Variants in RNMT observed in about 807,000 individuals in gnomAD.
RNMT encodes the protein RNA guanine-7 methyltransferase.
In RNMT, 27 loss-of-function variants were observed where a neutral mutation model predicts 56.0. The ratio of observed to expected loss-of-function variants is 0.48; its 90% CI spans 0.36 to 0.67. The LOEUF is 0.67. Among genes scored for constraint, RNMT ranks in the 30% least tolerant of loss-of-function variants. The pLI is 0.00. For synonymous variants in RNMT, 184 were observed against 176.2 expected (o/e 1.04, Z -0.35); for missense variants, 519 against 552.1 (o/e 0.94, Z 0.60).
At chr18:13,734,240 C>T (rs142659922) in intron 3 of RNMT, among the ~76,000 whole-genome samples, 14 of 152,244 alleles carry the variant, frequency 9.2e-5, no homozygotes, top group East Asian at 7.7e-4. Context: ...ACCCAGTCTC[C>T]GGTACGTCTT....
Position 13,746,215 on chromosome 18 carries a change from G to A in RNMT, c.1140-5G>A. The A allele has an allele frequency of 2.1e-6, 3 of 1,404,388 alleles. No homozygotes were observed. Among genetic ancestry groups the A allele is most frequent in the Non-Finnish European group, 3.0e-6 (3 of 1,014,432 alleles). The allele number at this position is 1,404,388 out of a possible 1,614,324, so 87.0% of individuals were successfully genotyped here. On this transcript the variant is annotated splice_region_variant and splice_polypyrimidine_tract_variant and intron_variant, in intron 8 of 11. Transcript: ENST00000383314. The stretch of plus-strand genomic sequence containing the variant: ...CTTTTTCATTAAGTATTCTTTTTTG[G>A]ACAGAATGGCAAAGAAGTACAATAT...
intron 5 of RNMT, among the ~76,000 whole-genome samples, chr18:13,739,280 A>T (rs2044214872): frequency 6.6e-6 from 1 of 152,222 alleles, no homozygotes; most frequent in Non-Finnish European, 1.5e-5. Flanking sequence ...CAACATTTTA[A>T]AAAGTGTGTA....
intron 8 of RNMT, 156 bp downstream of exon 8, chr18:13,742,808 A>G: frequency 1.8e-6 from 1 of 554,060 alleles, no homozygotes; most frequent in Non-Finnish European, 3.0e-6. Context: ...AAAAAAAAAC[A>G]AAACAAGACT....
chr18:13,755,174 A>G (rs2044522424), intron 11 of RNMT, among the ~76,000 whole-genome samples: 1 of 152,240 alleles, frequency 6.6e-6, no homozygotes, highest in Non-Finnish European at 1.5e-5. Context: ...TCTACCTTCT[A>G]GAAGTCTACA....
chr18:13,751,235 T>C (rs1568511573), intron 9 of RNMT, among the ~76,000 whole-genome samples: 1 of 152,220 alleles, frequency 6.6e-6, no homozygotes, highest in Non-Finnish European at 1.5e-5. Flanking sequence ...GATAGAGGGC[T>C]AATATCCATA....
intron 9 of RNMT, among the ~76,000 whole-genome samples, chr18:13,747,553 C>A (rs978639461): frequency 1.3e-5 from 2 of 152,172 alleles, no homozygotes; most frequent in African/African-American, 4.8e-5. Context: ...CAGCCTGAGG[C>A]TCAGAGGATA....
chr18:13,737,086 A>G lies in RNMT; in HGVS notation c.630A>G (p.Gly210=). 2 of 1,613,256 alleles carry G rather than the reference A, an allele frequency of 1.2e-6. No individual in the cohort carries two copies. The highest frequency in any genetic ancestry group is 1.7e-6 in the Non-Finnish European group (2 of 1,179,348). The change falls in exon 5 of 12, where the codon GGA becomes GGG. Residue 210 remains glycine, a synonymous_variant. Coordinates refer to ENST00000383314, the MANE Select transcript of RNMT (RefSeq NM_003799.3). ...TVLDLGCGKG[G]DLLKWKKGRI... Reference sequence around the variant, plus strand: ...TGGACCTGGGATGTGGTAAAGGTGGAGATTTGCTGAAATGGAAAAAAGGAA... The same window carrying G: ...TGGACCTGGGATGTGGTAAAGGTGGGGATTTGCTGAAATGGAAAAAAGGAA...
intron 9 of RNMT, among the ~76,000 whole-genome samples, chr18:13,751,369 C>T (rs1555795892): frequency 6.6e-6 from 1 of 152,190 alleles, no homozygotes; most frequent in Non-Finnish European, 1.5e-5. Context: ...AGAGGAAATG[C>T]TCATCATCAC....
chr18:13,746,250 C>G lies in RNMT; in HGVS notation c.1170C>G (p.Val390=), dbSNP rs750584765. Residue 390 remains valine, a synonymous_variant, in exon 9 of 12, where the codon GTC becomes GTG. Transcript: ENST00000383314. The stretch of plus-strand genomic sequence containing the variant: ...CAAAGAAGTACAATATGAAACTAGT[C>G]TACAAAAAAACATTTCTGGAATTCT... ...EMAKKYNMKL[V]YKKTFLEFYE... is the part of the protein sequence containing the mutation. The G allele has an allele frequency of 6.4e-7, 1 of 1,552,114 alleles. No individual in the cohort carries two copies. Among genetic ancestry groups the G allele is most frequent in the South Asian group, 1.1e-5 (1 of 87,244 alleles).
chr18:13,736,838 ACT>A (rs1358711334), intron 4 of RNMT, among the ~76,000 whole-genome samples, 170 bp from the exon 5 acceptor site: 1 of 151,742 alleles, frequency 6.6e-6, no homozygotes, highest in Admixed American at 6.6e-5. Context: ...AGATTAATCA[ACT>A]CTTAGTCATA....
At chr18:13,745,711 C>G (rs371362718) in intron 8 of RNMT, among the ~76,000 whole-genome samples, 4 of 85,382 alleles carry the variant, frequency 4.7e-5, no homozygotes, top group Non-Finnish European at 1.0e-4. Context: ...GGACTGTACT[C>G]TACAGAACCT....
intron 5 of RNMT, among the ~76,000 whole-genome samples, chr18:13,738,170 GT>G (rs2044196304): frequency 6.6e-6 from 1 of 152,026 alleles, no homozygotes; most frequent in Admixed American, 6.5e-5. Flanking sequence ...TATGAGCCCT[GT>G]ATACTTAAAA....
In RNMT at chr18:13,761,843, A is replaced by AGCC; in HGVS notation, c.*1864_*1865insGCC. The AGCC allele has an allele frequency of 4.3e-6, 5 of 1,149,474 alleles. No individual in the cohort carries two copies. The highest frequency in any genetic ancestry group is 5.4e-6 in the Non-Finnish European group (5 of 920,500). 71.2% of individuals were successfully genotyped at this position (1,149,474 alleles called of 1,614,324 possible). The stretch of plus-strand genomic sequence containing the variant: ...ATCAGTTCTTCCTCCACCACCCTAC[A>AGCC]CCCCCCTCCCCCCGGCCCCAAGCCC... On this transcript the variant is annotated 3_prime_UTR_variant, in exon 12 of 12. Transcript: ENST00000383314.
chr18:13,728,075 C>A (rs943928408), intron 1 of RNMT, among the ~76,000 whole-genome samples: 1 of 152,142 alleles, frequency 6.6e-6, no homozygotes, highest in Admixed American at 6.5e-5. Context: ...GATTTCCCTT[C>A]TTTTGGATCT....
rs908754337 is a variant in RNMT, at chr18:13,754,014, G to A, written c.1360-100G>A. ...GAATCGAATGTGTATTTACAGTGAA[G>A]TTAGGGTCTTTTGGCCATCTCTGCC... is the stretch of plus-strand genomic sequence containing the variant. On this transcript the variant is annotated intron_variant, in intron 10 of 11. Transcript: ENST00000383314. 2.0e-5 allele frequency: 13 copies of A among 655,526 alleles called. No individual in the cohort carries two copies. The African/African-American group carries it at 2.2e-4, about 11-fold the overall frequency. The allele number at this position is 655,526 out of a possible 1,614,324, so 40.6% of individuals were successfully genotyped here.
In RNMT at chr18:13,742,474, GA is replaced by G. The variant is rs772940328; in HGVS notation, c.975-13del. On this transcript the variant is annotated splice_polypyrimidine_tract_variant and intron_variant, in intron 7 of 11. Coordinates refer to ENST00000383314, the MANE Select transcript of RNMT (RefSeq NM_003799.3). ...TTTAATCTTTTTATTTTGGTTGGGG[GA>G]TAACCTTGATAGAAGACGCCTTGAA... 1 of 1,610,410 alleles carries G rather than the reference GA, an allele frequency of 6.2e-7. No homozygotes were observed. The highest frequency in any genetic ancestry group is 1.7e-5 in the Admixed American group (1 of 59,464).
chr18:13,743,339 AATAAAT>A (rs1568505833), intron 8 of RNMT, among the ~76,000 whole-genome samples: 3,943 of 75,198 alleles, frequency 0.052, 255 homozygotes, highest in East Asian at 0.11. Context: ...AAAATAAATA[AATAAAT>A]AAATAAATAA....
intron 7 of RNMT, among the ~76,000 whole-genome samples, 189 bp from the exon 8 acceptor site, chr18:13,742,299 C>T (rs577403353): frequency 6.0e-5 from 9 of 150,252 alleles, no homozygotes; most frequent in Admixed American, 2.0e-4. Context: ...CACACCACCA[C>T]ACTCCAGCCT....
In RNMT at chr18:13,730,640, A is replaced by AT. The variant is rs1475914271; in HGVS notation, c.-156dup. On this transcript the variant is annotated 5_prime_UTR_variant, in exon 2 of 12. An upstream open reading frame in the 5' UTR loses its in-frame stop. Coordinates refer to ENST00000383314, the MANE Select transcript of RNMT (RefSeq NM_003799.3). ...CCTTACTAACAGGATGTGTGAACCT[A>AT]TTGGGTACTGTACAACTTCAAGCCT... 1 of 152,202 alleles carries AT rather than the reference A, an allele frequency of 6.6e-6. No individual in the cohort carries two copies. The highest frequency in any genetic ancestry group is 2.4e-5 in the African/African-American group (1 of 41,440). The allele number at this position is 152,202 out of a possible 1,614,324, so 9.4% of individuals were successfully genotyped here. A position where few individuals can be genotyped will look rare whatever the true frequency, so the allele number is the denominator to read the frequency against.
Sources: allele counts gnomAD v4.1 joint callset (sites outside exome capture counted in the v4.1 genomes callset), GRCh38; gene constraint gnomAD v4.1.1; transcripts MANE v1.5; gene names NCBI Gene and HGNC (gene_info 2026-07-23, HGNC 2026-07-21).